Variants in UNC5D observed in about 807,000 individuals in gnomAD.
UNC5D encodes the protein unc-5 netrin receptor D.
In UNC5D, 39 loss-of-function variants were observed where a neutral mutation model predicts 105.4. The observed-to-expected ratio is 0.37, with a 90% CI of 0.29 to 0.48. UNC5D has a LOEUF of 0.48. Ranked by LOEUF, UNC5D falls within the 20% of genes least tolerant of loss-of-function variation. The pLI, the probability that UNC5D is intolerant of heterozygous loss-of-function variation, is 0.98. For synonymous variants in UNC5D, 452 were observed against 450.4 expected (o/e 1.00, Z -0.04); for missense variants, 991 against 1,202.4 (o/e 0.82, Z 2.60).
intron 7 of UNC5D, among the ~76,000 whole-genome samples, chr8:35,702,580 G>T (rs1052297270): frequency 6.6e-6 from 1 of 152,084 alleles, no homozygotes; most frequent in Non-Finnish European, 1.5e-5. Context: ...ATGTTCCATG[G>T]CCGGGAGCCT....
At chr8:35,482,985 TAGAG>T (rs1810584772) in intron 1 of UNC5D, among the ~76,000 whole-genome samples, 1 of 151,684 alleles carries the variant, frequency 6.6e-6, no homozygotes, top group African/African-American at 2.4e-5. Flanking sequence ...GTATTTTTAG[TAGAG>T]AGGAGGTTTC....
intron 1 of UNC5D, among the ~76,000 whole-genome samples, chr8:35,308,882 A>G (rs1808647982): frequency 2.0e-5 from 3 of 152,284 alleles, no homozygotes; most frequent in East Asian, 1.9e-4. Context: ...ATTCCATGCC[A>G]TGGATGTTTT....
intron 1 of UNC5D, among the ~76,000 whole-genome samples, chr8:35,385,774 C>T (rs923204594): frequency 1.3e-5 from 2 of 152,030 alleles, no homozygotes; most frequent in Non-Finnish European, 2.9e-5. Context: ...CTACCTACCT[C>T]TTTTTAACAG....
At chr8:35,385,908 T>C (rs772177664) in intron 1 of UNC5D, among the ~76,000 whole-genome samples, 5 of 152,186 alleles carry the variant, frequency 3.3e-5, no homozygotes, top group African/African-American at 4.8e-5. Context: ...TCTTAAACCA[T>C]ATCCAGCTAA....
At chr8:35,341,220 TA>T (rs1811431547) in intron 1 of UNC5D, among the ~76,000 whole-genome samples, 1 of 152,154 alleles carries the variant, frequency 6.6e-6, no homozygotes, top group Non-Finnish European at 1.5e-5. Context: ...TAGAAATTTT[TA>T]TAAATCCTCG....
intron 1 of UNC5D, among the ~76,000 whole-genome samples, chr8:35,500,797 G>C (rs901670303): frequency 6.6e-6 from 1 of 152,180 alleles, no homozygotes; most frequent in Non-Finnish European, 1.5e-5. Flanking sequence ...ATGACTTAAA[G>C]CAAAAGATCA....
At chr8:35,642,751 T>C (rs1461645936) in intron 4 of UNC5D, among the ~76,000 whole-genome samples, 1 of 152,156 alleles carries the variant, frequency 6.6e-6, no homozygotes, top group Non-Finnish European at 1.5e-5. Context: ...AAGTATTGTT[T>C]TGTGGCCCGG....
intron 1 of UNC5D, among the ~76,000 whole-genome samples, chr8:35,503,231 G>A (rs921203756): frequency 1.3e-5 from 2 of 152,068 alleles, no homozygotes; most frequent in African/African-American, 2.4e-5. Context: ...GTATTAGTCC[G>A]TTTTCATGCC....
At chr8:35,454,191 C>A (rs1247716943) in intron 1 of UNC5D, among the ~76,000 whole-genome samples, 4 of 152,050 alleles carry the variant, frequency 2.6e-5, no homozygotes, top group Non-Finnish European at 5.9e-5. Context: ...TTGATAGTTG[C>A]AATAAGGGTT....
chr8:35,761,526 G>A lies in UNC5D; in HGVS notation c.2313+2057G>A, dbSNP rs116379842. ...AGAAAACCCAGCAAGCTTTACTGCC[G>A]GGATGGGCTGGATTACATGGAAGTT... is the stretch of plus-strand genomic sequence containing the variant. On this transcript the variant is annotated intron_variant, in intron 14 of 16. Coordinates refer to ENST00000404895, the MANE Select transcript of UNC5D (RefSeq NM_080872.4). Among the ~76,000 whole-genome samples, 1,267 of 152,272 alleles carry A rather than the reference G, an allele frequency of 8.3e-3. 12 individuals carry two copies. Among genetic ancestry groups the A allele is most frequent in the African/African-American group, 0.029 (1,202 of 41,532 alleles).
chr8:35,582,559 C>T lies in UNC5D; in HGVS notation c.467-12995C>T, dbSNP rs115876652. Among the ~76,000 whole-genome samples, 1,019 of 152,262 alleles carry T rather than the reference C, an allele frequency of 6.7e-3. 14 individuals are homozygous for T. Among genetic ancestry groups the T allele is most frequent in the African/African-American group, 0.022 (933 of 41,554 alleles). ...GTAGGAGGTGTTAGATATTTAGTGG[C>T]ATATCCAGTGTTTACATGCTCATGA... is the stretch of plus-strand genomic sequence containing the variant. On this transcript the variant is annotated intron_variant, in intron 3 of 16. Transcript: ENST00000404895.
chr8:35,456,709 T>G (rs546106655), intron 1 of UNC5D, among the ~76,000 whole-genome samples: 239 of 152,308 alleles, frequency 1.6e-3, no homozygotes, highest in South Asian at 3.7e-3. Flanking sequence ...GTAATTGACC[T>G]CATCTGTCAG....
intron 1 of UNC5D, among the ~76,000 whole-genome samples, chr8:35,341,656 GA>G (rs1165640793): frequency 6.6e-6 from 1 of 152,028 alleles, no homozygotes; most frequent in African/African-American, 2.4e-5. Context: ...AAATTAGGCA[GA>G]AAAGATACAT....
chr8:35,707,378 T>C (rs1023891698), intron 8 of UNC5D, among the ~76,000 whole-genome samples: 2 of 152,214 alleles, frequency 1.3e-5, no homozygotes, highest in Non-Finnish European at 2.9e-5. Context: ...AAAAAAATCA[T>C]TACTACTTAA....
At chr8:35,474,606 G>A (rs953468806) in intron 1 of UNC5D, among the ~76,000 whole-genome samples, 4 of 152,154 alleles carry the variant, frequency 2.6e-5, no homozygotes, top group Admixed American at 6.5e-5. Context: ...AAGCTGTGGG[G>A]CTTTCTCTGC....
At chr8:35,449,288 G>A (rs2128989799) in intron 1 of UNC5D, among the ~76,000 whole-genome samples, 1 of 152,220 alleles carries the variant, frequency 6.6e-6, no homozygotes, top group Admixed American at 6.5e-5. Flanking sequence ...CTAACCCTGT[G>A]TTTCTCCTCC....
chr8:35,401,643 AC>A (rs1363290106), intron 1 of UNC5D, among the ~76,000 whole-genome samples: 1 of 152,122 alleles, frequency 6.6e-6, no homozygotes, highest in East Asian at 1.9e-4. Context: ...GCTTGTTTCA[AC>A]CTTATTCCTC....
At chr8:35,731,399 CA>C (rs57529561) in intron 11 of UNC5D, among the ~76,000 whole-genome samples, 233 of 30,640 alleles carry the variant, frequency 7.6e-3, no homozygotes, top group East Asian at 9.8e-3. Context: ...ACTCTGTCTC[CA>C]AAAAAAAAAA....
At chr8:35,253,568 C>G (rs1157071660) in intron 1 of UNC5D, among the ~76,000 whole-genome samples, 1 of 148,704 alleles carries the variant, frequency 6.7e-6, no homozygotes, top group Non-Finnish European at 1.5e-5. Flanking sequence ...CTCACTGCAA[C>G]CTCCACCTCC....
Sources: allele counts gnomAD v4.1 joint callset (sites outside exome capture counted in the v4.1 genomes callset), GRCh38; gene constraint gnomAD v4.1.1; transcripts MANE v1.5; gene names NCBI Gene and HGNC (gene_info 2026-07-23, HGNC 2026-07-21).